Variants in COL8A1 observed in about 807,000 individuals in gnomAD.
The protein encoded by COL8A1 is collagen type VIII alpha 1 chain.
In COL8A1, 21 loss-of-function variants were observed where a neutral mutation model predicts 42.7. That is an observed-to-expected ratio of 0.49 (90% CI 0.35 to 0.71). COL8A1 has a LOEUF of 0.71. COL8A1 is among the 30% of genes least tolerant of loss of function. COL8A1 has a pLI of 0.01. For missense variants in COL8A1, 788 were observed against 962.4 expected, an observed-to-expected ratio of 0.82 and a Z score of 2.40; for synonymous variants, 367 against 369.1, an observed-to-expected ratio of 0.99 and a Z score of 0.06.
At chr3:99,703,416 C>T (rs2107348779) in intron 1 of COL8A1, 1 of 152,292 alleles carries the variant, frequency 6.6e-6, no homozygotes, top group Middle Eastern at 3.4e-3. Context: ...CACTCTACCC[C>T]TCCTGAAGAA....
intron 1 of COL8A1, among the ~76,000 whole-genome samples, chr3:99,726,851 C>T (rs934421281): frequency 9.9e-5 from 15 of 152,068 alleles, no homozygotes; most frequent in Non-Finnish European, 2.1e-4. Flanking sequence ...AGTGTGATGC[C>T]TCCAGCTTTG....
chr3:99,719,239 G>T (rs184895498), intron 1 of COL8A1, among the ~76,000 whole-genome samples: 8 of 152,098 alleles, frequency 5.3e-5, no homozygotes, highest in African/African-American at 1.9e-4. Flanking sequence ...GACTTAAAAA[G>T]ACTCTCCATA....
chr3:99,688,952 G>T (rs1489650623), intron 1 of COL8A1, among the ~76,000 whole-genome samples: 1 of 151,982 alleles, frequency 6.6e-6, no homozygotes, highest in Non-Finnish European at 1.5e-5. Context: ...CCCCTCCCCA[G>T]CTGTGACAAT....
chr3:99,643,388 T>C (rs1363296140), intron 1 of COL8A1, among the ~76,000 whole-genome samples: 1 of 152,220 alleles, frequency 6.6e-6, no homozygotes, highest in Non-Finnish European at 1.5e-5. Context: ...GGTATGTTTT[T>C]AACCAGCCCA....
chr3:99,736,982 T>A (rs1449107725), intron 1 of COL8A1, among the ~76,000 whole-genome samples: 1 of 152,226 alleles, frequency 6.6e-6, no homozygotes, highest in Admixed American at 6.5e-5. Context: ...TTTACCATTA[T>A]GTAATGGCCT....
chr3:99,683,223 A>G (rs2107325045), intron 1 of COL8A1, among the ~76,000 whole-genome samples: 1 of 152,312 alleles, frequency 6.6e-6, no homozygotes, highest in East Asian at 1.9e-4. Context: ...ATAAGACTCT[A>G]TATTCTACAA....
At chr3:99,740,959 T>G (rs1027180425) in intron 1 of COL8A1, among the ~76,000 whole-genome samples, 1 of 152,208 alleles carries the variant, frequency 6.6e-6, no homozygotes, top group Non-Finnish European at 1.5e-5. Context: ...TTTTCTATAT[T>G]ATTTACCTTA....
Position 99,794,824 on chromosome 3 carries a change from G to A in COL8A1, c.923G>A (p.Gly308Glu). 2 of 1,612,096 alleles carry A rather than the reference G, an allele frequency of 1.2e-6. No homozygotes were observed. Among genetic ancestry groups the A allele is most frequent in the Non-Finnish European group, 1.7e-6 (2 of 1,179,054 alleles). The change falls in exon 4 of 4, where the codon GGA (glycine) becomes GAA (glutamate). Residue 308 changes from glycine (G) to glutamate (E), a missense_variant. This residue lies in a region of COL8A1 where 421 missense variants were observed against 553.1 expected (regional missense o/e 0.76). Coordinates refer to ENST00000652472, the MANE Select transcript of COL8A1 (RefSeq NM_020351.4). The surrounding 1 kb of genome is among the most constrained non-coding windows in gnomAD (Gnocchi z 4.3). ...QGPIGVPGVQ[G>E]PPGIPGIGKP... ...CCTATTGGGGTACCGGGGGTTCAAGGACCTCCTGGGATACCCGGAATTGGA... is the reference window on the plus strand; with the variant it reads ...CCTATTGGGGTACCGGGGGTTCAAGAACCTCCTGGGATACCCGGAATTGGA...
At chr3:99,733,717 T>C (rs1246926788) in intron 1 of COL8A1, among the ~76,000 whole-genome samples, 1 of 151,276 alleles carries the variant, frequency 6.6e-6, no homozygotes, top group Non-Finnish European at 1.5e-5. Context: ...CCCTGAGGAA[T>C]CGCCACACTG....
intron 2 of COL8A1, among the ~76,000 whole-genome samples, chr3:99,779,898 G>A (rs181290756): frequency 2.0e-4 from 30 of 152,168 alleles, no homozygotes; most frequent in Non-Finnish European, 3.8e-4. Context: ...AGTTATCATC[G>A]ATCTCAAGAA....
chr3:99,713,080 T>A (rs1436368253), intron 1 of COL8A1, among the ~76,000 whole-genome samples: 1 of 152,138 alleles, frequency 6.6e-6, no homozygotes, highest in Non-Finnish European at 1.5e-5. Flanking sequence ...TAGTCCTTGA[T>A]TTGTGTCAGG....
rs1942135730 is a variant in COL8A1 at position 99,798,154 on chromosome 3, G to T, written c.*2018G>T. 1 of 152,030 alleles carries T rather than the reference G, an allele frequency of 6.6e-6. No homozygotes were observed. The allele number at this position is 152,030 out of a possible 1,614,324, so 9.4% of individuals were successfully genotyped here. ...TTACCATCACAAAAATTCTTCTCTTGGCCAATATCTCATTTCCCTATATAG... is the reference window on the plus strand; with the variant it reads ...TTACCATCACAAAAATTCTTCTCTTTGCCAATATCTCATTTCCCTATATAG... On this transcript the variant is annotated 3_prime_UTR_variant, in exon 4 of 4. Transcript: ENST00000652472.
At chr3:99,731,625 A>G (rs1971381) in intron 1 of COL8A1, among the ~76,000 whole-genome samples, 34,584 of 152,104 alleles carry the variant, frequency 0.23, 4,493 homozygotes, top group African/African-American at 0.35. Context: ...TCTGCTGTGC[A>G]CAGAGTAGAG....
At chr3:99,654,991 C>T (rs957203338) in intron 1 of COL8A1, among the ~76,000 whole-genome samples, 3 of 152,028 alleles carry the variant, frequency 2.0e-5, no homozygotes, top group Non-Finnish European at 4.4e-5. Context: ...TGAGACCCAC[C>T]ATGTGCCAAG....
intron 1 of COL8A1, among the ~76,000 whole-genome samples, chr3:99,663,350 C>G (rs1200682981): frequency 6.6e-6 from 1 of 152,062 alleles, no homozygotes; most frequent in African/African-American, 2.4e-5. Flanking sequence ...CTTTTACTAA[C>G]CCGGTGCCAG....
intron 1 of COL8A1, among the ~76,000 whole-genome samples, chr3:99,743,865 T>C (rs1940958136): frequency 6.6e-6 from 1 of 152,210 alleles, no homozygotes; most frequent in Non-Finnish European, 1.5e-5. Context: ...CAAACTGATG[T>C]ATTTATCTAA....
chr3:99,661,419 C>T (rs1206989393), intron 1 of COL8A1, among the ~76,000 whole-genome samples: 1 of 152,138 alleles, frequency 6.6e-6, no homozygotes, highest in Non-Finnish European at 1.5e-5. Context: ...GTCTACCTCA[C>T]ACCGACTAGG....
intron 1 of COL8A1, among the ~76,000 whole-genome samples, chr3:99,734,764 G>C (rs1940649360): frequency 6.6e-6 from 1 of 151,928 alleles, no homozygotes; most frequent in Non-Finnish European, 1.5e-5. Flanking sequence ...TCACGATATT[G>C]ATTCTTCCTA....
intron 1 of COL8A1, among the ~76,000 whole-genome samples, chr3:99,731,995 C>G (rs1419037167): frequency 6.6e-6 from 1 of 152,100 alleles, no homozygotes; most frequent in Non-Finnish European, 1.5e-5. Context: ...GGCTTGTTAA[C>G]AAACACCAGA....
Sources: allele counts gnomAD v4.1 joint callset (sites outside exome capture counted in the v4.1 genomes callset), GRCh38; gene constraint gnomAD v4.1.1; regional missense constraint gnomAD v4.1.1; non-coding constraint Gnocchi (gnomAD v3.1); transcripts MANE v1.5; gene names NCBI Gene and HGNC (gene_info 2026-07-23, HGNC 2026-07-21).